HLA-DPB1: variants seen among roughly 807,000 people sequenced by gnomAD.
HLA-DPB1 encodes HLA class II histocompatibility antigen, DP beta 1 chain.
Under a neutral mutation model 29.4 loss-of-function variants are expected in HLA-DPB1, and 30 were observed. The ratio of observed to expected loss-of-function variants is 1.02; its 90% CI spans 0.76 to 1.38. The LOEUF (loss-of-function observed/expected upper bound fraction) is 1.38. Ranked by LOEUF, HLA-DPB1 falls within the 40% of genes most tolerant of loss-of-function variation. HLA-DPB1 has a pLI of 0.00. For synonymous variants in HLA-DPB1, 114 were observed against 134.0 expected (o/e 0.85, Z 1.03); for missense variants, 261 against 327.5 (o/e 0.80, Z 1.57).
intron 3 of HLA-DPB1, 151 bp from the exon 4 acceptor site, chr6:33,085,628 G>A (rs577201828): frequency 2.3e-4 from 153 of 666,064 alleles, no homozygotes; most frequent in African/African-American, 2.1e-3. Flanking sequence ...CAGATATGAG[G>A]GTGGCTCTTT....
chr6:33,084,620 G>GA (rs1763013003), intron 2 of HLA-DPB1, among the ~76,000 whole-genome samples: 1 of 152,052 alleles, frequency 6.6e-6, no homozygotes, highest in African/African-American at 2.4e-5. Context: ...CCAACATGGA[G>GA]AAACCTTGTC....
intron 1 of HLA-DPB1, chr6:33,079,393 C>T (rs1762718733): frequency 5.4e-6 from 1 of 184,836 alleles, no homozygotes; most frequent in Admixed American, 6.0e-5. Context: ...AAAATTACAT[C>T]AATGCTGTCT....
At position 33,085,111 on chromosome 6, in the gene HLA-DPB1, C is replaced by T. The variant is rs757047904; in HGVS notation, c.526C>T (p.Arg176Cys). ...TAGVVSTNLI[R>C]NGDWTFQILV... Reference sequence around the variant, plus strand: ...TGGGGTCGTGTCCACCAACCTGATCCGTAATGGAGACTGGACCTTCCAGAT... The same window carrying T: ...TGGGGTCGTGTCCACCAACCTGATCTGTAATGGAGACTGGACCTTCCAGAT... Residue 176 changes from arginine (R) to cysteine (C), a missense_variant, in exon 3 of 6, where the codon CGT (arginine) becomes TGT (cysteine). Coordinates refer to ENST00000418931, the MANE Select transcript of HLA-DPB1 (RefSeq NM_002121.6). 9.9e-6 allele frequency: 16 copies of T among 1,613,790 alleles called. No individual in the cohort carries two copies. In the Admixed American group the frequency reaches 1.3e-4, roughly 13 times the overall value.
Position 33,081,000 on chromosome 6 carries a change from A to G in HLA-DPB1, c.364+65A>G. 2 of 1,479,662 alleles carry G rather than the reference A, an allele frequency of 1.4e-6. No homozygotes were observed. Among genetic ancestry groups the G allele is most frequent in the Non-Finnish European group, 1.8e-6 (2 of 1,120,282 alleles). The allele number at this position is 1,479,662 out of a possible 1,614,324, so 91.7% of individuals were successfully genotyped here. A position where few individuals can be genotyped will look rare whatever the true frequency, so the allele number is the denominator to read the frequency against. On this transcript the variant is annotated intron_variant, in intron 2 of 5. Transcript: ENST00000418931. This position sits in a 1 kb window ranked among gnomAD's most constrained non-coding sequence, Gnocchi z 4.3. ...CGCGGGCCCGTGCCCAGGGCGCAGG[A>G]GCAGCCGGGTTGGCCTAAGGGACCT...
At position 33,089,094 on chromosome 6, in the gene HLA-DPB1, A is replaced by G. The variant is rs1763241871; in HGVS notation, c.*2560A>G. On this transcript the variant is annotated 3_prime_UTR_variant, in exon 6 of 6. Transcript: ENST00000418931. ...TGAGGCCGAGCCAGGGGATGGTGAA[A>G]GTGGAAGGAGGTGGGAGTTGGGCAT... is the stretch of plus-strand genomic sequence containing the variant. Among the ~76,000 whole-genome samples, 16 of 152,010 alleles carry G rather than the reference A, an allele frequency of 1.1e-4. 1 individual carries two copies. In the South Asian group the frequency reaches 3.1e-3, roughly 30 times the overall value.
intron 2 of HLA-DPB1, among the ~76,000 whole-genome samples, chr6:33,082,947 T>C (rs955483437): frequency 6.6e-6 from 1 of 152,222 alleles, no homozygotes; most frequent in Non-Finnish European, 1.5e-5. Flanking sequence ...TCAAAGAATA[T>C]TGAGCAAGAT....
Position 33,086,770 on chromosome 6 carries a change from C to A in HLA-DPB1, c.*236C>A. On this transcript the variant is annotated 3_prime_UTR_variant, in exon 6 of 6. Transcript: ENST00000418931. Reference sequence around the variant, plus strand: ...AGCACCACAAATAATCAAAACCCAACATGACTGTTTGTTTTCCTTTAAAAA... The same window carrying A: ...AGCACCACAAATAATCAAAACCCAAAATGACTGTTTGTTTTCCTTTAAAAA... 2.8e-6 allele frequency: 1 copy of A among 353,506 alleles called. No individual in the cohort carries two copies. Among genetic ancestry groups the A allele is most frequent in the Non-Finnish European group, 5.7e-6 (1 of 175,480 alleles). 21.9% of individuals were successfully genotyped at this position (353,506 alleles called of 1,614,324 possible).
rs549655018 is a variant in HLA-DPB1 at position 33,086,396 on chromosome 6, T to C, written c.*5-143T>C. On this transcript the variant is annotated intron_variant, in intron 5 of 5. Transcript: ENST00000418931. Reference sequence around the variant, plus strand: ...CTTCAGGCAAGTGGGGAAAGAGCATTGCTTGGCTCCATTGCTGAAGGAAGC... The same window carrying C: ...CTTCAGGCAAGTGGGGAAAGAGCATCGCTTGGCTCCATTGCTGAAGGAAGC... The C allele has an allele frequency of 7.2e-5, 55 of 764,000 alleles. No homozygotes were observed. In the East Asian group the frequency reaches 1.3e-3, roughly 17 times the overall value. 47.3% of individuals were successfully genotyped at this position (764,000 alleles called of 1,614,324 possible).
At chr6:33,084,255 T>C (rs1762996499) in intron 2 of HLA-DPB1, among the ~76,000 whole-genome samples, 1 of 152,234 alleles carries the variant, frequency 6.6e-6, no homozygotes, top group Admixed American at 6.5e-5. Flanking sequence ...GTTGATCAAA[T>C]ATTCTTTGCC....
chr6:33,077,320 G>C lies in HLA-DPB1; in HGVS notation c.100+1179G>C, dbSNP rs145809740. Among the ~76,000 whole-genome samples, 1,343 of 152,212 alleles carry C rather than the reference G, an allele frequency of 8.8e-3. 22 individuals carry two copies. Among genetic ancestry groups the C allele is most frequent in the African/African-American group, 0.031 (1,280 of 41,496 alleles). Reference sequence around the variant, plus strand: ...CATTTTCTTAATCCAGTCTATCACTGATGGACAGTTGGGTTGGTTCCAAGT... The same window carrying C: ...CATTTTCTTAATCCAGTCTATCACTCATGGACAGTTGGGTTGGTTCCAAGT... On this transcript the variant is annotated intron_variant, in intron 1 of 5. Transcript: ENST00000418931.
chr6:33,084,987 G>T lies in HLA-DPB1; in HGVS notation c.402G>T (p.Gly134=). Residue 134 remains glycine, a synonymous_variant, in exon 3 of 6, where the codon GGG becomes GGT. Transcript: ENST00000418931. ...PRVNVSPSKK[G]PLQHHNLLVC... ...TGAATGTTTCCCCCTCCAAGAAGGG[G>T]CCCTTGCAGCACCACAACCTGCTTG... 6.2e-7 allele frequency: 1 copy of T among 1,605,218 alleles called. No homozygotes were observed. Among genetic ancestry groups the T allele is most frequent in the South Asian group, 1.1e-5 (1 of 90,904 alleles).
rs9277561 is a variant in HLA-DPB1, at chr6:33,088,972, T to C, written c.*2438T>C. ...TCACAGTTCCCTAACGAGAAGGTGGTCCACCCAACAGACAACACTGCCTCA... is the reference window on the plus strand; with the variant it reads ...TCACAGTTCCCTAACGAGAAGGTGGCCCACCCAACAGACAACACTGCCTCA... On this transcript the variant is annotated 3_prime_UTR_variant, in exon 6 of 6. Transcript: ENST00000418931. 0.2 allele frequency among the ~76,000 whole-genome samples: 30,061 copies of C among 151,874 alleles called. 3,392 individuals carry two copies. Among genetic ancestry groups the C allele is most frequent in the East Asian group, 0.55 (2,827 of 5,146 alleles).
rs1762803137 is a variant in HLA-DPB1 at position 33,080,744 on chromosome 6, T to G, written c.173T>G (p.Ile58Ser). ...NGTQRFLERYIYNREEFARFD... is the reference protein window; with the variant it reads ...NGTQRFLERYSYNREEFARFD... ...ACACAGCGCTTCCTGGAGAGATACA[T>G]CTACAACCGGGAGGAGTTCGCGCGC... Residue 58 changes from isoleucine to serine, a missense_variant, in exon 2 of 6, where the codon ATC becomes AGC. By Grantham distance (142) the Ile-to-Ser change is moderately radical. Coordinates refer to ENST00000418931, the MANE Select transcript of HLA-DPB1 (RefSeq NM_002121.6). This position sits in a 1 kb window ranked among gnomAD's most constrained non-coding sequence, Gnocchi z 4.3. The G allele has an allele frequency of 3.7e-6, 6 of 1,613,202 alleles. No homozygotes were observed. The highest frequency in any genetic ancestry group is 4.2e-6 in the Non-Finnish European group (5 of 1,179,798).
rs1191778175 is a variant in HLA-DPB1, at chr6:33,088,654, T to C, written c.*2120T>C. On this transcript the variant is annotated 3_prime_UTR_variant, in exon 6 of 6. Coordinates refer to ENST00000418931, the MANE Select transcript of HLA-DPB1 (RefSeq NM_002121.6). ...TTGTCACTAGACTTCAAATTTTCAA[T>C]ATTGATAGAGTGTTTTCTAAGAGTC... is the stretch of plus-strand genomic sequence containing the variant. 2.0e-5 allele frequency among the ~76,000 whole-genome samples: 3 copies of C among 152,066 alleles called. No individual in the cohort carries two copies. The highest frequency in any genetic ancestry group is 3.9e-4 in the East Asian group (2 of 5,172).
intron 2 of HLA-DPB1, chr6:33,081,140 G>T (rs1762844997): frequency 1.7e-6 from 1 of 605,162 alleles, no homozygotes; most frequent in Admixed American, 3.2e-5. Context: ...GAGTGAGGAG[G>T]ACGAGAGCAG....
intron 2 of HLA-DPB1, among the ~76,000 whole-genome samples, chr6:33,081,494 C>A (rs1432606492): frequency 6.6e-6 from 1 of 151,882 alleles, no homozygotes; most frequent in Non-Finnish European, 1.5e-5. Context: ...TGAAAGAGAC[C>A]AAAAAAACCC....
At position 33,086,752 on chromosome 6, in the gene HLA-DPB1, C is replaced by A. The variant is rs1368765336; in HGVS notation, c.*218C>A. The A allele has an allele frequency of 5.4e-6, 2 of 368,614 alleles. No individual in the cohort carries two copies. The highest frequency in any genetic ancestry group is 1.1e-5 in the Non-Finnish European group (2 of 182,286). 22.8% of individuals were successfully genotyped at this position (368,614 alleles called of 1,614,324 possible). A position where few individuals can be genotyped will look rare whatever the true frequency, so the allele number is the denominator to read the frequency against. On this transcript the variant is annotated 3_prime_UTR_variant, in exon 6 of 6. Transcript: ENST00000418931. ...CCATGTTCCCTTCTTCTTAGCACCA[C>A]AAATAATCAAAACCCAACATGACTG...
intron 2 of HLA-DPB1, among the ~76,000 whole-genome samples, chr6:33,084,476 G>A (rs1383797768): frequency 6.6e-6 from 1 of 152,060 alleles, no homozygotes; most frequent in African/African-American, 2.4e-5. Context: ...CAATTACATA[G>A]TGAACATGCC....
At chr6:33,082,973 T>C (rs1446549907) in intron 2 of HLA-DPB1, among the ~76,000 whole-genome samples, 1 of 152,232 alleles carries the variant, frequency 6.6e-6, no homozygotes, top group Non-Finnish European at 1.5e-5. Flanking sequence ...TCGTGGAATG[T>C]TCTGGGACCT....
Sources: allele counts gnomAD v4.1 joint callset (sites outside exome capture counted in the v4.1 genomes callset), GRCh38; gene constraint gnomAD v4.1.1; non-coding constraint Gnocchi (gnomAD v3.1); transcripts MANE v1.5; gene names NCBI Gene and HGNC (gene_info 2026-07-23, HGNC 2026-07-21).